Variants in SH3PXD2B observed in about 807,000 individuals in gnomAD.
SH3PXD2B encodes the protein SH3 and PX domains 2B, also known as SH3 and PX domain-containing protein 2B.
Under a neutral mutation model 73.1 loss-of-function variants are expected in SH3PXD2B, and 37 were observed. The observed-to-expected ratio is 0.51, with a 90% CI of 0.39 to 0.67. SH3PXD2B has a LOEUF of 0.67. SH3PXD2B is among the 30% of genes least tolerant of loss of function. The pLI is 0.00. For missense variants in SH3PXD2B, 1,053 were observed against 1,197.8 expected, an observed-to-expected ratio of 0.88 and a Z score of 1.78; for synonymous variants, 457 against 480.5, an observed-to-expected ratio of 0.95 and a Z score of 0.64.
At chr5:172,329,825 C>T (rs1034970477), downstream of SH3PXD2B, among the ~76,000 whole-genome samples, 1 of 152,164 alleles carries the variant, frequency 6.6e-6, no homozygotes, top group Non-Finnish European at 1.5e-5. Flanking sequence ...GCGTAAGCCA[C>T]TGTGCCCGGC....
chr5:172,380,965 C>CTG lies in SH3PXD2B; in HGVS notation c.401+1069_401+1070dup, dbSNP rs373648212. On this transcript the variant is annotated intron_variant, in intron 5 of 12. Transcript: ENST00000311601. ...TCTGTGAACTCGATTTTGGAGGTCG[C>CTG]TGTGTGTGTGTATAAATATAAATGG... 2.0e-3 allele frequency among the ~76,000 whole-genome samples: 304 copies of CTG among 152,318 alleles called. 1 individual carries two copies. The highest frequency in any genetic ancestry group is 7.1e-3 in the African/African-American group (294 of 41,570).
downstream of SH3PXD2B, among the ~76,000 whole-genome samples, chr5:172,329,079 A>T (rs377664825): frequency 0.014 from 912 of 64,216 alleles, 11 homozygotes; most frequent in African/African-American, 0.033. Flanking sequence ...ATATATATAT[A>T]TATATTTTTT....
intron 3 of SH3PXD2B, among the ~76,000 whole-genome samples, chr5:172,405,460 G>A (rs1418103083): frequency 6.6e-6 from 1 of 152,234 alleles, no homozygotes; most frequent in East Asian, 1.9e-4. Flanking sequence ...AGTCAGATTT[G>A]CTGCCCCACT....
intron 4 of SH3PXD2B, among the ~76,000 whole-genome samples, chr5:172,389,259 T>C (rs1238418219): frequency 2.6e-5 from 4 of 151,888 alleles, no homozygotes; most frequent in African/African-American, 9.7e-5. Context: ...TTTCACCACA[T>C]TGGTCAGGCT....
chr5:172,374,637 T>TG (rs1357840952), intron 5 of SH3PXD2B, among the ~76,000 whole-genome samples: 1 of 152,084 alleles, frequency 6.6e-6, no homozygotes, highest in Non-Finnish European at 1.5e-5. Context: ...GCCGAGATCG[T>TG]GCCACTGCAC....
At chr5:172,414,079 G>A (rs1758760847) in intron 2 of SH3PXD2B, among the ~76,000 whole-genome samples, 1 of 152,220 alleles carries the variant, frequency 6.6e-6, no homozygotes. Context: ...CTCTGCAGTG[G>A]AGCATGGGGG....
At position 172,335,953 on chromosome 5, in the gene SH3PXD2B, CT is replaced by C; in HGVS notation, c.*2415del. ...TCATAGCAAAAGAGAATGGCAGATT[CT>C]TTCATTTGCAGGAAAACTTTCTGCC... On this transcript the variant is annotated 3_prime_UTR_variant, in exon 13 of 13. Transcript: ENST00000311601. 1 of 1,102,342 alleles carries C rather than the reference CT, an allele frequency of 9.1e-7. No individual in the cohort carries two copies. Among genetic ancestry groups the C allele is most frequent in the Non-Finnish European group, 1.1e-6 (1 of 906,506 alleles). 68.3% of individuals were successfully genotyped at this position (1,102,342 alleles called of 1,614,324 possible).
intron 3 of SH3PXD2B, among the ~76,000 whole-genome samples, chr5:172,400,965 G>A (rs1160068541): frequency 1.3e-5 from 2 of 152,174 alleles, no homozygotes; most frequent in African/African-American, 4.8e-5. Context: ...CACTTTAAGC[G>A]CTGTGATCAT....
At chr5:172,330,977 T>C (rs1342140668), downstream of SH3PXD2B, among the ~76,000 whole-genome samples, 1 of 152,112 alleles carries the variant, frequency 6.6e-6, no homozygotes, top group Non-Finnish European at 1.5e-5. Context: ...GGTGGATCAC[T>C]TGAGGACCAG....
chr5:172,394,875 A>G (rs1758261380), intron 3 of SH3PXD2B, among the ~76,000 whole-genome samples: 1 of 152,138 alleles, frequency 6.6e-6, no homozygotes, highest in African/African-American at 2.4e-5. Flanking sequence ...GACCCACGGA[A>G]TAAGTTTTGG....
intron 10 of SH3PXD2B, 93 bp downstream of exon 10, chr5:172,350,270 G>C: frequency 2.4e-6 from 3 of 1,262,840 alleles, no homozygotes; most frequent in Non-Finnish European, 3.4e-6. Context: ...CAGCTGGGCT[G>C]CTGTGAGGAT....
At chr5:172,402,969 T>G (rs1226343273) in intron 3 of SH3PXD2B, among the ~76,000 whole-genome samples, 1 of 152,226 alleles carries the variant, frequency 6.6e-6, no homozygotes, top group Non-Finnish European at 1.5e-5. Context: ...GCCCTGGCTG[T>G]GGGGCAGAAC....
chr5:172,381,734 C>T (rs2731721), intron 5 of SH3PXD2B, among the ~76,000 whole-genome samples: 10,138 of 152,142 alleles, frequency 0.067, 474 homozygotes, highest in South Asian at 0.2. Context: ...GATGAATCTA[C>T]GGCTCAGCCC....
chr5:172,417,829 A>G lies in SH3PXD2B; in HGVS notation c.156+4587T>C, dbSNP rs562086199. ...CACATACCATAAAAGTCACCCTTTT[A>G]GAGTGTTCAATGTAGTGGCTTCCAG... On this transcript the variant is annotated intron_variant, in intron 2 of 12. Transcript: ENST00000311601. Among the ~76,000 whole-genome samples, 3 of 152,344 alleles carry G rather than the reference A, an allele frequency of 2.0e-5. No homozygotes were observed. The East Asian group carries it at 5.8e-4, about 29-fold the overall frequency.
chr5:172,410,799 C>T (rs559721608), intron 2 of SH3PXD2B, among the ~76,000 whole-genome samples: 32 of 152,298 alleles, frequency 2.1e-4, no homozygotes, highest in African/African-American at 7.0e-4. Context: ...CTCTCATATA[C>T]GATTTCATGT....
chr5:172,353,922 T>A lies in SH3PXD2B; in HGVS notation c.751A>T (p.Ile251Phe). Residue 251 changes from isoleucine to phenylalanine, a missense_variant, in exon 9 of 13, where the codon ATC becomes TTC. Around this residue, in one of 2 missense-constraint regions of SH3PXD2B, gnomAD observed 466 missense variants for 607.1 expected, o/e 0.77. Coordinates refer to ENST00000311601, the MANE Select transcript of SH3PXD2B (RefSeq NM_001017995.3). The surrounding 1 kb of genome is among the most constrained non-coding windows in gnomAD (Gnocchi z 4.3). ...NLERGAVVEV[I>F]QKNLEGWWKI... ...CACCAGCCTTCCAGGTTTTTCTGGATGACCTCCACCACAGCCCCTCTCTCC... is the reference window on the plus strand; with the variant it reads ...CACCAGCCTTCCAGGTTTTTCTGGAAGACCTCCACCACAGCCCCTCTCTCC... The A allele has an allele frequency of 6.2e-7, 1 of 1,613,978 alleles. No homozygotes were observed. Among genetic ancestry groups the A allele is most frequent in the Non-Finnish European group, 8.5e-7 (1 of 1,179,962 alleles).
chr5:172,436,915 A>G (rs1982066), intron 1 of SH3PXD2B, among the ~76,000 whole-genome samples: 71,788 of 151,870 alleles, frequency 0.47, 17,163 homozygotes, highest in African/African-American at 0.53. Context: ...CTATGTCCGA[A>G]GGTCCCTAGG....
intron 1 of SH3PXD2B, among the ~76,000 whole-genome samples, chr5:172,447,892 T>C (rs4868170): frequency 8.1e-6 from 1 of 123,270 alleles, no homozygotes; most frequent in East Asian, 2.7e-4. Context: ...TGGGGTGGGG[T>C]GGGGGATGGG....
At chr5:172,414,359 C>T (rs559003331) in intron 2 of SH3PXD2B, among the ~76,000 whole-genome samples, 87 of 151,306 alleles carry the variant, frequency 5.7e-4, no homozygotes, top group South Asian at 8.4e-4. Context: ...ATCCCAGCTA[C>T]TCCGGAGGCT....
Sources: gnomAD v4.1 joint callset for allele counts (sites outside exome capture counted in the v4.1 genomes callset) on GRCh38, gnomAD v4.1.1 for gene constraint, gnomAD v4.1.1 regional missense constraint, Gnocchi (gnomAD v3.1) non-coding constraint, MANE v1.5 for transcripts, NCBI Gene and HGNC (gene_info 2026-07-23, HGNC 2026-07-21) for gene names.